Variants in LIME1 observed in about 807,000 individuals in gnomAD.
The protein encoded by LIME1 is lck-interacting transmembrane adapter 1.
In LIME1, 23 loss-of-function variants were observed where a neutral mutation model predicts 18.8. The ratio of observed to expected loss-of-function variants is 1.22; its 90% confidence interval spans 0.88 to 1.73. LIME1 has a LOEUF of 1.73. LIME1 is among the 40% of genes most tolerant of loss of function. The pLI, the probability that LIME1 is intolerant of heterozygous loss-of-function variation, is 0.00. For missense variants in LIME1, 423 were observed against 396.8 expected, an observed-to-expected ratio of 1.07 and a Z score of -0.56; for synonymous variants, 177 against 182.3, an observed-to-expected ratio of 0.97 and a Z score of 0.23.
In LIME1 at chr20:63,738,079, G is replaced by GGGGGCA; in HGVS notation, c.268+24_268+25insAGGGGC. 6.7e-7 allele frequency: 1 copy of GGGGGCA among 1,489,004 alleles called. No individual in the cohort carries two copies. Among genetic ancestry groups the GGGGGCA allele is most frequent in the Non-Finnish European group, 9.0e-7 (1 of 1,105,990 alleles). The allele number at this position is 1,489,004 out of a possible 1,614,324, so 92.2% of individuals were successfully genotyped here. ...AGCAGGGGTGAGCAGAGGGCGGGGC[G>GGGGGCA]GGGGCGGCCGGGCGGGGCTTACTGT... On this transcript the variant is annotated intron_variant, in intron 4 of 5. Transcript: ENST00000309546.
At position 63,737,758 on chromosome 20, in the gene LIME1, T is replaced by G. The variant is rs574396047; in HGVS notation, c.99-63T>G. On this transcript the variant is annotated intron_variant, in intron 2 of 5. Transcript: ENST00000309546. ...GCGCACCCAGCTCGGCACGCGCGCCTGCACCGGGCCTTGGACCCGAGGCTG... is the reference window on the plus strand; with the variant it reads ...GCGCACCCAGCTCGGCACGCGCGCCGGCACCGGGCCTTGGACCCGAGGCTG... The G allele has an allele frequency of 2.3e-5, 32 of 1,415,774 alleles. No individual in the cohort carries two copies. In the East Asian group the frequency reaches 6.7e-4, roughly 29 times the overall value. The allele number at this position is 1,415,774 out of a possible 1,614,324, so 87.7% of individuals were successfully genotyped here.
chr20:63,737,656 C>T lies in LIME1; in HGVS notation c.98+9C>T, dbSNP rs1331442854. The stretch of plus-strand genomic sequence containing the variant: ...TGCACAGCCTGCCGCAGGTAGGTCC[C>T]TCAGCCGCGTTCTGTCTGGGGCCTC... On this transcript the variant is annotated intron_variant, in intron 2 of 5. Transcript: ENST00000309546. 4.5e-6 allele frequency: 7 copies of T among 1,571,202 alleles called. No individual in the cohort carries two copies. The South Asian group carries it at 5.8e-5, about 13-fold the overall frequency.
Position 63,738,424 on chromosome 20 carries a change from C to T in LIME1, c.510C>T (p.Val170=). The T allele has an allele frequency of 6.5e-7, 1 of 1,547,070 alleles. No individual in the cohort carries two copies. The highest frequency in any genetic ancestry group is 8.7e-7 in the Non-Finnish European group (1 of 1,147,154). ...ASPVVAEYAR[V]QKRKGTHRSP... is the part of the protein sequence containing the mutation. ...CTGTGGTGGCCGAGTATGCCCGCGT[C>T]CAGAAGCGCAAAGGGACCCATCGCA... The change falls in exon 5 of 6, where the codon GTC becomes GTT. Residue 170 remains valine, a synonymous_variant. Coordinates refer to ENST00000309546, the MANE Select transcript of LIME1 (RefSeq NM_017806.4).
At chr20:63,735,765 G>C (rs766997698), upstream of LIME1, 1 of 1,584,728 alleles carries the variant, frequency 6.3e-7, no homozygotes, top group Non-Finnish European at 8.6e-7. Flanking sequence ...ACGCTGACTA[G>C]TGAGCCCCTC....
Position 63,736,695 on chromosome 20 carries a change from C to A in LIME1, c.-35C>A. 2.0e-6 allele frequency: 2 copies of A among 985,650 alleles called. No individual in the cohort carries two copies. The allele number at this position is 985,650 out of a possible 1,614,324, so 61.1% of individuals were successfully genotyped here. A position where few individuals can be genotyped will look rare whatever the true frequency, so the allele number is the denominator to read the frequency against. ...GGCCTGCCCCAGACAGAGCTGAGGA[C>A]CCCTGGCCGTGGGCTTGGTAAGTGC... is the stretch of plus-strand genomic sequence containing the variant. On this transcript the variant is annotated 5_prime_UTR_variant, in exon 1 of 6. Coordinates refer to ENST00000309546, the MANE Select transcript of LIME1 (RefSeq NM_017806.4).
chr20:63,738,092 C>A, intron 4 of LIME1, 32 bp downstream of exon 4: 1 of 1,032,672 alleles, frequency 9.7e-7, no homozygotes, highest in South Asian at 1.5e-5. Context: ...GGCGGCCGGG[C>A]GGGGCTTACT....
intron 1 of LIME1, 173 bp downstream of exon 1, chr20:63,736,885 T>C (rs959359186): frequency 1.6e-4 from 155 of 986,046 alleles, no homozygotes; most frequent in Non-Finnish European, 1.8e-4. Context: ...CTGTGCTGTT[T>C]GTAAGGCATC....
chr20:63,735,853 T>G (rs2091984923), upstream of LIME1: 2 of 1,612,766 alleles, frequency 1.2e-6, no homozygotes, highest in African/African-American at 1.3e-5. Context: ...AGCTCCGGGC[T>G]CAGGAAGCCG....
At chr20:63,735,837 TGGG>T, upstream of LIME1, 1 of 1,612,488 alleles carries the variant, frequency 6.2e-7, no homozygotes, top group African/African-American at 1.3e-5. Flanking sequence ...CAGCGCCAGC[TGGG>T]GCAGCTCCGG....
At position 63,738,671 on chromosome 20, in the gene LIME1, C is replaced by T. The variant is rs1394183732; in HGVS notation, c.659C>T (p.Pro220Leu). Residue 220 changes from proline to leucine, a missense_variant, in exon 6 of 6, where the codon CCC (proline) becomes CTC (leucine). Pro to Leu is a moderately conservative substitution (Grantham distance 98, BLOSUM62 -3). Transcript: ENST00000309546. ...DPGPTTDPLD[P>L]KGQGAILALA... Reference sequence around the variant, plus strand: ...GGACCCACCACAGACCCGCTGGACCCCAAGGGCCAGGGAGCGATTCTGGCC... The same window carrying T: ...GGACCCACCACAGACCCGCTGGACCTCAAGGGCCAGGGAGCGATTCTGGCC... 1 of 1,612,368 alleles carries T rather than the reference C, an allele frequency of 6.2e-7. No individual in the cohort carries two copies.
In LIME1 at chr20:63,737,967, C is replaced by T. The variant is rs1356388712; in HGVS notation, c.181-6C>T. ...CAGGGCACCGACCAGCCTTCCTCGC[C>T]CCCAGTCCCTACTGAGGCGGACCCA... On this transcript the variant is annotated splice_polypyrimidine_tract_variant and splice_region_variant and intron_variant, in intron 3 of 5. Transcript: ENST00000309546. 1.3e-6 allele frequency: 2 copies of T among 1,571,940 alleles called. No individual in the cohort carries two copies. Among genetic ancestry groups the T allele is most frequent in the Non-Finnish European group, 1.7e-6 (2 of 1,160,782 alleles).
Position 63,738,228 on chromosome 20 carries a change from A to T in LIME1, c.314A>T (p.Glu105Val). 1 of 1,590,906 alleles carries T rather than the reference A, an allele frequency of 6.3e-7. No homozygotes were observed. The highest frequency in any genetic ancestry group is 8.5e-7 in the Non-Finnish European group (1 of 1,173,924). ...GATCTCCTGCGCCCACACTGGCTGG[A>T]GGTGTCCAGGGACATCACCGGACCG... ...SMDLLRPHWL[E>V]VSRDITGPQA... is the part of the protein sequence containing the mutation. The change falls in exon 5 of 6, where the codon GAG (glutamate) becomes GTG (valine). Residue 105 changes from glutamate (E) to valine (V), a missense_variant. Glu to Val is a moderately radical substitution (Grantham distance 121). Transcript: ENST00000309546.
At chr20:63,735,975 G>A, upstream of LIME1, 4 of 1,573,558 alleles carry the variant, frequency 2.5e-6, no homozygotes, top group East Asian at 4.5e-5. Flanking sequence ...CTGCCCTCAG[G>A]AAGACCAGTG....
Position 63,737,994 on chromosome 20 carries a change from C to G in LIME1, c.202C>G (p.Leu68Val). ...AEASLLRRTH[L>V]CSLSKSDTRL... ...CCAGTCCCTACTGAGGCGGACCCAC[C>G]TCTGCTCCCTCAGCAAGTCGGACAC... The change falls in exon 4 of 6, where the codon CTC becomes GTC. Residue 68 changes from leucine to valine, a missense_variant. Leu to Val is a conservative substitution (Grantham distance 32, BLOSUM62 1). Transcript: ENST00000309546. 1 of 1,570,676 alleles carries G rather than the reference C, an allele frequency of 6.4e-7. No homozygotes were observed. Among genetic ancestry groups the G allele is most frequent in the Non-Finnish European group, 8.6e-7 (1 of 1,161,434 alleles).
At chr20:63,736,227 G>A (rs2091989103), upstream of LIME1, 5 of 358,126 alleles carry the variant, frequency 1.4e-5, 1 homozygote, top group South Asian at 9.4e-5. Flanking sequence ...TGGGCTGGAG[G>A]GGCCTAGGAG....
chr20:63,735,825 C>T (rs1356299990), upstream of LIME1: 2 of 1,611,736 alleles, frequency 1.2e-6, no homozygotes, highest in Admixed American at 3.3e-5. Context: ...CTGGCAGGAG[C>T]CCAGCGCCAG....
chr20:63,738,561 G>C, intron 5 of LIME1, 37 bp from the exon 6 acceptor site: 1 of 1,529,960 alleles, frequency 6.5e-7, no homozygotes, highest in Non-Finnish European at 8.8e-7. Flanking sequence ...AGGTTGGATG[G>C]TGCTGACCCC....
upstream of LIME1, chr20:63,736,002 CGGCCTGCTGGCCTGG>C: frequency 6.5e-7 from 1 of 1,543,828 alleles, no homozygotes; most frequent in Non-Finnish European, 8.8e-7. Context: ...GAGGAGGGGC[CGGCCTGCTGGCCTGG>C]GGCGTGCAGA....
In LIME1 at chr20:63,739,009, G is replaced by T; in HGVS notation, c.*109G>T. 9.9e-7 allele frequency: 1 copy of T among 1,006,726 alleles called. No homozygotes were observed. Among genetic ancestry groups the T allele is most frequent in the Non-Finnish European group, 1.4e-6 (1 of 705,514 alleles). The allele number at this position is 1,006,726 out of a possible 1,614,324, so 62.4% of individuals were successfully genotyped here. On this transcript the variant is annotated 3_prime_UTR_variant, in exon 6 of 6. Transcript: ENST00000309546. Reference sequence around the variant, plus strand: ...AGGTCCCCGGGCTGCCAGCCCGTGAGGTCCGTGAGGTCCTGGCCGCTCTGA... The same window carrying T: ...AGGTCCCCGGGCTGCCAGCCCGTGATGTCCGTGAGGTCCTGGCCGCTCTGA...
Sources: allele counts gnomAD v4.1 joint callset, GRCh38; gene constraint gnomAD v4.1.1; transcripts MANE v1.5; gene names NCBI Gene and HGNC (gene_info 2026-07-23, HGNC 2026-07-21).